ABR: variants seen among roughly 807,000 people sequenced by gnomAD.
ABR encodes the protein active breakpoint cluster region-related protein.
A neutral mutation model predicts 107.2 loss-of-function variants in ABR; 35 were observed. That is an observed-to-expected ratio of 0.33 (90% confidence interval 0.25 to 0.43). The LOEUF is 0.43. Ranked by LOEUF, ABR falls within the 20% of genes least tolerant of loss-of-function variation. The pLI, the probability that ABR is intolerant of heterozygous loss-of-function variation, is 1.00. For synonymous variants in ABR, 498 were observed against 462.0 expected, an observed-to-expected ratio of 1.08 and a Z score of -1.00; for missense variants, 815 against 1,115.2, an observed-to-expected ratio of 0.73 and a Z score of 3.83.
chr17:1,028,181 C>T (rs2072384963), intron 16 of ABR, among the ~76,000 whole-genome samples: 1 of 152,102 alleles, frequency 6.6e-6, no homozygotes, highest in Admixed American at 6.5e-5. Context: ...ACCTCCACCT[C>T]CCAGGTTCAA....
intron 2 of ABR, among the ~76,000 whole-genome samples, chr17:1,120,087 C>G (rs12948620): frequency 6.6e-6 from 1 of 151,722 alleles, no homozygotes; most frequent in Non-Finnish European, 1.5e-5. Context: ...GTCACCTCTC[C>G]GAGCCCCAGT....
chr17:1,038,633 G>A (rs887815925), intron 16 of ABR, among the ~76,000 whole-genome samples: 9 of 152,126 alleles, frequency 5.9e-5, no homozygotes, highest in East Asian at 3.9e-4. Context: ...TTAGACCCTC[G>A]CCCAGCACCA....
chr17:1,116,625 C>G lies in ABR; in HGVS notation c.246+8558G>C, dbSNP rs984117332. Among the ~76,000 whole-genome samples, 8 of 152,276 alleles carry G rather than the reference C, an allele frequency of 5.3e-5. No individual in the cohort carries two copies. In the South Asian group the frequency reaches 1.7e-3, roughly 32 times the overall value. On this transcript the variant is annotated intron_variant, in intron 2 of 22. Coordinates refer to ENST00000302538, the MANE Select transcript of ABR (RefSeq NM_021962.5). ...CAGAGAGGACGGGAGCCAGCGATGA[C>G]GGGACCCAGGGTCACAACCAAGGCA...
intron 6 of ABR, among the ~76,000 whole-genome samples, chr17:1,076,688 G>A (rs1329000923): frequency 7.0e-6 from 1 of 143,076 alleles, no homozygotes; most frequent in Non-Finnish European, 1.5e-5. Context: ...ATGAGCCCTG[G>A]AAGGGCGGCC....
intron 1 of ABR, among the ~76,000 whole-genome samples, chr17:1,204,665 C>T (rs941132917): frequency 2.0e-5 from 3 of 152,246 alleles, no homozygotes; most frequent in South Asian, 4.1e-4. Context: ...TATACAGGTT[C>T]GTACCTAGGA....
rs12601892 is a variant in ABR, at chr17:1,011,633, G to A, written c.2101+213C>T. On this transcript the variant is annotated intron_variant, in intron 19 of 22. Coordinates refer to ENST00000302538, the MANE Select transcript of ABR (RefSeq NM_021962.5). The surrounding 1 kb of genome is among the most constrained non-coding windows in gnomAD (Gnocchi z 4.8). ...TTGGGTCATCCTGGGCAAGTGAGTC[G>A]GCCCTTGTGAGTTTCTGCAGTTGCT... 0.037 allele frequency: 17,280 copies of A among 471,578 alleles called. 365 individuals are homozygous for A. Among genetic ancestry groups the A allele is most frequent in the Middle Eastern group, 0.052 (87 of 1,682 alleles). The allele number at this position is 471,578 out of a possible 1,614,324, so 29.2% of individuals were successfully genotyped here.
At position 1,010,699 on chromosome 17, in the gene ABR, G is replaced by A; in HGVS notation, c.2236+30C>T. ...GGGAGTCCTGGCTCAGTCTGGCCCAGCCCAGTCCTAGGAGCCCTCAGGGCC... is the reference window on the plus strand; with the variant it reads ...GGGAGTCCTGGCTCAGTCTGGCCCAACCCAGTCCTAGGAGCCCTCAGGGCC... On this transcript the variant is annotated intron_variant, in intron 20 of 22. Transcript: ENST00000302538. This position sits in a 1 kb window ranked among gnomAD's most constrained non-coding sequence, Gnocchi z 4.1. The A allele has an allele frequency of 6.2e-7, 1 of 1,610,890 alleles. No homozygotes were observed. Among genetic ancestry groups the A allele is most frequent in the Non-Finnish European group, 8.5e-7 (1 of 1,178,898 alleles).
intron 1 of ABR, among the ~76,000 whole-genome samples, chr17:1,217,535 C>T (rs760239695): frequency 6.6e-6 from 1 of 152,184 alleles, no homozygotes; most frequent in Non-Finnish European, 1.5e-5. Flanking sequence ...CGCCAACTTA[C>T]TTGACTATTG....
chr17:1,173,082 ACCC>A (rs141012906), intron 1 of ABR, among the ~76,000 whole-genome samples: 1 of 35,924 alleles, frequency 2.8e-5, no homozygotes, highest in Non-Finnish European at 5.7e-5. Context: ...ACCTCAGTCC[ACCC>A]CCCCCATCAT....
intron 1 of ABR, among the ~76,000 whole-genome samples, chr17:1,223,532 T>C (rs190530369): frequency 6.6e-6 from 1 of 152,244 alleles, no homozygotes; most frequent in East Asian, 1.9e-4. Context: ...TGGGTGACCA[T>C]GGGCAATGTT....
At chr17:1,013,546 G>C (rs759605635) in intron 16 of ABR, among the ~76,000 whole-genome samples, 4 of 152,182 alleles carry the variant, frequency 2.6e-5, no homozygotes, top group Non-Finnish European at 4.4e-5. Flanking sequence ...CAGAAACTGA[G>C]GCTCACAAAA....
chr17:1,128,797 C>CATAAAAGAAAGA (rs2039703885), intron 1 of ABR, among the ~76,000 whole-genome samples: 1 of 132,782 alleles, frequency 7.5e-6, no homozygotes, highest in Non-Finnish European at 1.6e-5. Context: ...GACGTTTTCA[C>CATAAAAGAAAGA]AAGCTGGGAG....
At chr17:1,122,183 G>A (rs1197501952) in intron 2 of ABR, among the ~76,000 whole-genome samples, 4 of 152,168 alleles carry the variant, frequency 2.6e-5, no homozygotes, top group African/African-American at 4.8e-5. Flanking sequence ...GATTCCAGGC[G>A]TGAGCCACCG....
intron 16 of ABR, among the ~76,000 whole-genome samples, chr17:1,044,171 C>T (rs117578002): frequency 0.018 from 2,673 of 147,780 alleles, 38 homozygotes; most frequent in Middle Eastern, 0.05. Flanking sequence ...GGGCAGACTA[C>T]GCCGGGGGCA....
In ABR at chr17:1,057,649, ATGTGTGTATG is replaced by A. The variant is rs796858354; in HGVS notation, c.1381+311_1381+320del. Among the ~76,000 whole-genome samples, 260 of 137,678 alleles carry A rather than the reference ATGTGTGTATG, an allele frequency of 1.9e-3. 1 individual carries two copies. Among genetic ancestry groups the A allele is most frequent in the African/African-American group, 6.5e-3 (240 of 36,764 alleles). The allele number at this position is 137,678 out of a possible 152,430, so 90.3% of individuals were successfully genotyped here. ...AAGCCACCGTACCCAGCCTCTGTGT[ATGTGTGTATG>A]TGTGTGTGTGTGTGTGTGTGTGTGT... On this transcript the variant is annotated intron_variant, in intron 12 of 22. Coordinates refer to ENST00000302538, the MANE Select transcript of ABR (RefSeq NM_021962.5).
chr17:1,203,427 C>G (rs1210389888), intron 1 of ABR, among the ~76,000 whole-genome samples: 2 of 46,898 alleles, frequency 4.3e-5, no homozygotes, highest in African/African-American at 7.2e-5. Context: ...GGGGGCGGGG[C>G]CCGCGGGGAC....
intron 1 of ABR, among the ~76,000 whole-genome samples, chr17:1,213,833 C>T (rs2042949360): frequency 6.6e-6 from 1 of 152,190 alleles, no homozygotes; most frequent in Non-Finnish European, 1.5e-5. Context: ...AGCGACAAAA[C>T]TGTGAAAACA....
intron 1 of ABR, among the ~76,000 whole-genome samples, chr17:1,152,346 T>C (rs2040833933): frequency 6.7e-6 from 1 of 148,888 alleles, no homozygotes; most frequent in Admixed American, 6.7e-5. Flanking sequence ...TCCCAGCACT[T>C]TGGGAGGCTG....
In ABR at chr17:1,201,735, G is replaced by C. The variant is rs149852896; in HGVS notation, c.838+27058C>G. On this transcript the variant is annotated intron_variant, in intron 1 of 22. Transcript: ENST00000574139. Reference sequence around the variant, plus strand: ...CTGTTGCCCAGGCTGGTGTGCAGTGGCGTGATCTCTGGCTCACTGCAACCT... The same window carrying C: ...CTGTTGCCCAGGCTGGTGTGCAGTGCCGTGATCTCTGGCTCACTGCAACCT... Among the ~76,000 whole-genome samples the C allele has an allele frequency of 5.3e-4, 80 of 151,878 alleles. 1 individual carries two copies. The highest frequency in any genetic ancestry group is 1.8e-3 in the African/African-American group (73 of 41,410).
Sources: allele counts gnomAD v4.1 joint callset (sites outside exome capture counted in the v4.1 genomes callset), GRCh38; gene constraint gnomAD v4.1.1; non-coding constraint Gnocchi (gnomAD v3.1); transcripts MANE v1.5; gene names NCBI Gene and HGNC (gene_info 2026-07-23, HGNC 2026-07-21).